RASGRP1: variants seen among roughly 807,000 people sequenced by gnomAD.
RASGRP1 encodes RAS guanyl-releasing protein 1.
A neutral mutation model predicts 95.1 loss-of-function variants in RASGRP1; 37 were observed. The observed-to-expected ratio is 0.39, with a 90% CI of 0.30 to 0.51. The LOEUF is 0.51. Ranked by LOEUF, RASGRP1 falls within the 20% of genes least tolerant of loss-of-function variation. The probability of loss-of-function intolerance (pLI) is 0.80; values close to 1 mark genes in which losing one functional copy is unlikely to be tolerated. For missense variants in RASGRP1, 711 were observed against 965.4 expected (o/e 0.74, Z 3.49); for synonymous variants, 325 against 353.4 (o/e 0.92, Z 0.90).
intron 3 of RASGRP1, among the ~76,000 whole-genome samples, chr15:38,523,439 T>C (rs1429357999): frequency 6.6e-6 from 1 of 152,176 alleles, no homozygotes; most frequent in East Asian, 1.9e-4. Context: ...AAAATATTTT[T>C]ACACAGCTGT....
chr15:38,535,482 C>T (rs1892609387), intron 2 of RASGRP1, among the ~76,000 whole-genome samples: 1 of 152,182 alleles, frequency 6.6e-6, no homozygotes. Flanking sequence ...ATGACATCAA[C>T]ACAAGGCAGC....
chr15:38,496,889 C>A (rs534989789), intron 15 of RASGRP1, among the ~76,000 whole-genome samples: 1 of 152,324 alleles, frequency 6.6e-6, no homozygotes, highest in South Asian at 2.1e-4. Flanking sequence ...ATTAGAAGTG[C>A]TTTAAATGCA....
At chr15:38,520,524 A>G (rs1595853278) in intron 3 of RASGRP1, among the ~76,000 whole-genome samples, 1 of 152,222 alleles carries the variant, frequency 6.6e-6, no homozygotes, top group Non-Finnish European at 1.5e-5. Flanking sequence ...TTAGAATGAT[A>G]GCCTTGAAAC....
rs1241114346 is a variant in RASGRP1 at position 38,488,129 on chromosome 15, A to T, written c.*2425T>A. 2 of 152,064 alleles carry T rather than the reference A, an allele frequency of 1.3e-5. No homozygotes were observed. The highest frequency in any genetic ancestry group is 4.8e-5 in the African/African-American group (2 of 41,438). 9.4% of individuals were successfully genotyped at this position (152,064 alleles called of 1,614,324 possible). A position where few individuals can be genotyped will look rare whatever the true frequency, so the allele number is the denominator to read the frequency against. The stretch of plus-strand genomic sequence containing the variant: ...TGTAGGGATCCTAATGTCTTTTATC[A>T]TATAAATATTACACAAAGAAAACTT... On this transcript the variant is annotated 3_prime_UTR_variant, in exon 17 of 17. Transcript: ENST00000310803.
intron 2 of RASGRP1, among the ~76,000 whole-genome samples, chr15:38,527,056 T>C (rs1892251658): frequency 6.6e-6 from 1 of 152,254 alleles, no homozygotes; most frequent in African/African-American, 2.4e-5. Flanking sequence ...AGCTAGGTTT[T>C]CTAAATCCCA....
chr15:38,526,726 A>G (rs1892238940), intron 2 of RASGRP1, among the ~76,000 whole-genome samples: 1 of 152,146 alleles, frequency 6.6e-6, no homozygotes, highest in Admixed American at 6.6e-5. Flanking sequence ...TAAAGTTCAT[A>G]TAACTGGTTG....
intron 2 of RASGRP1, among the ~76,000 whole-genome samples, chr15:38,541,012 G>A (rs1892837445): frequency 6.6e-6 from 1 of 152,170 alleles, no homozygotes. Flanking sequence ...TTGCTCCTGG[G>A]AGACTGCTCT....
chr15:38,491,481 G>A (rs7181389), intron 16 of RASGRP1, among the ~76,000 whole-genome samples: 94,761 of 152,074 alleles, frequency 0.62, 29,693 homozygotes, highest in South Asian at 0.77. Flanking sequence ...AAATGTTGCC[G>A]TATAGTATAA....
At chr15:38,533,706 C>A (rs1205877043) in intron 2 of RASGRP1, among the ~76,000 whole-genome samples, 2 of 152,158 alleles carry the variant, frequency 1.3e-5, no homozygotes. Context: ...GGGAGGAGAA[C>A]AATCGGGAGA....
chr15:38,560,060 G>C (rs1020842792), intron 1 of RASGRP1, 55 bp from the exon 2 acceptor site: 4 of 1,445,854 alleles, frequency 2.8e-6, no homozygotes, highest in Non-Finnish European at 3.8e-6. Context: ...ACGCTCTGAA[G>C]GCAGATTGGA....
chr15:38,546,329 T>G (rs573683576), intron 2 of RASGRP1, among the ~76,000 whole-genome samples: 6 of 152,192 alleles, frequency 3.9e-5, no homozygotes, highest in Admixed American at 2.6e-4. Context: ...GTGATTCTCT[T>G]GCCTCAGCCT....
intron 1 of RASGRP1, among the ~76,000 whole-genome samples, chr15:38,564,072 T>G (rs557097305): frequency 6.6e-6 from 1 of 152,300 alleles, no homozygotes; most frequent in East Asian, 1.9e-4. Context: ...CGGAAGGCGA[T>G]ATGTTTCCCT....
intron 8 of RASGRP1, among the ~76,000 whole-genome samples, chr15:38,509,273 A>C (rs1192211585): frequency 6.6e-6 from 1 of 152,192 alleles, no homozygotes; most frequent in African/African-American, 2.4e-5. Flanking sequence ...GCCATTATTA[A>C]ACAAAGTGAG....
At chr15:38,513,640 T>A (rs1891635825) in intron 6 of RASGRP1, among the ~76,000 whole-genome samples, 1 of 152,224 alleles carries the variant, frequency 6.6e-6, no homozygotes, top group African/African-American at 2.4e-5. Flanking sequence ...ACAATAGCAT[T>A]GACTACAGTT....
At chr15:38,534,274 A>G (rs1179873019) in intron 2 of RASGRP1, 4 of 152,228 alleles carry the variant, frequency 2.6e-5, no homozygotes, top group Non-Finnish European at 5.9e-5. Context: ...CTAAACCAAG[A>G]ACAAAAATGT....
intron 12 of RASGRP1, 29 bp from the exon 13 acceptor site, chr15:38,501,316 T>G: frequency 1.2e-6 from 2 of 1,612,566 alleles, no homozygotes; most frequent in Non-Finnish European, 1.7e-6. Context: ...GGCAAGGATG[T>G]GAGTATAAGG....
intron 2 of RASGRP1, among the ~76,000 whole-genome samples, chr15:38,555,182 T>C (rs1893505392): frequency 1.3e-5 from 2 of 152,250 alleles, no homozygotes; most frequent in Non-Finnish European, 2.9e-5. Context: ...TTCAATAAGC[T>C]GAGGCCTATA....
At chr15:38,546,345 G>C (rs12324389) in intron 2 of RASGRP1, among the ~76,000 whole-genome samples, 1 of 152,084 alleles carries the variant, frequency 6.6e-6, no homozygotes, top group Non-Finnish European at 1.5e-5. Flanking sequence ...AGCCTCCAGA[G>C]TATTCTGTTG....
In RASGRP1 at chr15:38,494,541, C is replaced by G; in HGVS notation, c.2100G>C (p.Gln700His). The change falls in exon 16 of 17, where the codon CAG (glutamine) becomes CAC (histidine). Residue 700 changes from glutamine (Q) to histidine (H), a missense_variant. This residue lies in a region of RASGRP1 where 212 missense variants were observed against 247.8 expected (regional missense o/e 0.86). Transcript: ENST00000310803. ...GACTGGGAAGCACATATAGAGTATC[C>G]TGGGCTGTCTTCCTTGGGGAAGACA... ...FVLSSPRKTA[Q>H]DTLYVLPSPT... 1 of 1,588,300 alleles carries G rather than the reference C, an allele frequency of 6.3e-7. No individual in the cohort carries two copies. The highest frequency in any genetic ancestry group is 8.6e-7 in the Non-Finnish European group (1 of 1,166,808).
Sources: allele counts gnomAD v4.1 joint callset (sites outside exome capture counted in the v4.1 genomes callset), GRCh38; gene constraint gnomAD v4.1.1; regional missense constraint gnomAD v4.1.1; transcripts MANE v1.5; gene names NCBI Gene and HGNC (gene_info 2026-07-23, HGNC 2026-07-21).